SECTM1: variants seen among roughly 807,000 people sequenced by gnomAD.
The protein encoded by SECTM1 is secreted and transmembrane 1, also known as secreted and transmembrane protein 1.
SECTM1 carries 10 observed loss-of-function variants against 18.1 expected under a neutral mutation model. That is an observed-to-expected ratio of 0.55 (90% CI 0.34 to 0.94). The LOEUF (loss-of-function observed/expected upper bound fraction) is 0.94. Among genes scored for constraint, SECTM1 ranks in the 40% least tolerant of loss-of-function variants. The pLI is 0.02. For synonymous variants in SECTM1, 137 were observed against 139.2 expected, an observed-to-expected ratio of 0.98 and a Z score of 0.11; for missense variants, 297 against 322.6, an observed-to-expected ratio of 0.92 and a Z score of 0.61.
At chr17:82,322,489 G>A in intron 4 of SECTM1, 119 bp from the exon 5 acceptor site, 1 of 978,930 alleles carries the variant, frequency 1.0e-6, no homozygotes, top group East Asian at 2.6e-5. Context: ...CCACCCCCAG[G>A]CACACTCCCA....
At position 82,322,912 on chromosome 17, in the gene SECTM1, C is replaced by A. The variant is rs747603059; in HGVS notation, c.503G>T (p.Trp168Leu). 1 of 1,613,892 alleles carries A rather than the reference C, an allele frequency of 6.2e-7. No individual in the cohort carries two copies. The change falls in exon 4 of 5, where the codon TGG becomes TTG. Residue 168 changes from tryptophan to leucine, a missense_variant. Trp to Leu is a moderately conservative substitution (Grantham distance 61). Coordinates refer to ENST00000269389, the MANE Select transcript of SECTM1 (RefSeq NM_003004.3). ...TTGCTGGGAACAGCGGCACCTGTAC[C>A]AGGCGAACATGACCAGAGCGACCAA... Reference protein sequence around the residue: ...ILLVALVMFAWYRCRCSQQRR... With the variant: ...ILLVALVMFALYRCRCSQQRR...
chr17:82,327,041 G>T, intron 2 of SECTM1, 106 bp downstream of exon 2: 1 of 803,786 alleles, frequency 1.2e-6, no homozygotes, highest in Admixed American at 2.4e-5. Context: ...TCATTATCGG[G>T]GGTCTGGTGG....
chr17:82,333,445 C>G (rs973718032), intron 1 of SECTM1, among the ~76,000 whole-genome samples: 3 of 152,200 alleles, frequency 2.0e-5, no homozygotes, highest in Non-Finnish European at 2.9e-5. Flanking sequence ...CCCCGCCCGC[C>G]TGGCCTGCGA....
Position 82,328,956 on chromosome 17 carries a change from G to T in SECTM1, c.-52-1664C>A, listed in dbSNP as rs1336499645. Among the ~76,000 whole-genome samples the T allele has an allele frequency of 6.6e-6, 1 of 152,210 alleles. No homozygotes were observed. The highest frequency in any genetic ancestry group is 2.4e-5 in the African/African-American group (1 of 41,452). On this transcript the variant is annotated intron_variant, in intron 1 of 4. Transcript: ENST00000269389. The surrounding 1 kb of genome is among the most constrained non-coding windows in gnomAD (Gnocchi z 5.8). The stretch of plus-strand genomic sequence containing the variant: ...CAGGGAACTCCCATGAGGGAACTCT[G>T]TAAAGCGACCTTCAGACGTGCTATT...
chr17:82,330,154 C>T lies in SECTM1; in HGVS notation c.-52-2862G>A, dbSNP rs2052180171. Among the ~76,000 whole-genome samples the T allele has an allele frequency of 2.6e-5, 4 of 152,324 alleles. No individual in the cohort carries two copies. In the South Asian group the frequency reaches 8.3e-4, roughly 32 times the overall value. On this transcript the variant is annotated intron_variant, in intron 1 of 4. Transcript: ENST00000269389. This position sits in a 1 kb window ranked among gnomAD's most constrained non-coding sequence, Gnocchi z 6.1. ...GCTCCACGATGCCAGCTCAGCCACCCACCTTGGAACCGTGCAGATGGACAG... is the reference window on the plus strand; with the variant it reads ...GCTCCACGATGCCAGCTCAGCCACCTACCTTGGAACCGTGCAGATGGACAG...
chr17:82,327,631 G>A (rs924265804), intron 1 of SECTM1, among the ~76,000 whole-genome samples: 3 of 152,184 alleles, frequency 2.0e-5, no homozygotes, highest in Non-Finnish European at 4.4e-5. Context: ...GGTCAGGACA[G>A]GTGGAATCGT....
At chr17:82,327,368 C>T (rs921200111) in intron 1 of SECTM1, 76 bp from the exon 2 acceptor site, 11 of 848,234 alleles carry the variant, frequency 1.3e-5, no homozygotes, top group South Asian at 7.9e-5. Flanking sequence ...TGTCACCTGG[C>T]GGGGGCTGGG....
chr17:82,333,604 T>TCAGCACCGAGTCCC (rs1171883449), intron 1 of SECTM1, 96 bp downstream of exon 1: 7 of 114,292 alleles, frequency 6.1e-5, no homozygotes, highest in Admixed American at 3.4e-4. Context: ...CACCGGGCCC[T>TCAGCACCGAGTCCC]CAGCACCGAG....
rs1331729913 is a variant in SECTM1 at position 82,321,801 on chromosome 17, C to T, written c.*360G>A. On this transcript the variant is annotated 3_prime_UTR_variant, in exon 5 of 5. Coordinates refer to ENST00000269389, the MANE Select transcript of SECTM1 (RefSeq NM_003004.3). ...CGGCAGGGGCCCCCTCACTTGGGCG[C>T]GGAGCCCTGGGAGTGGAGAGAGCGG... 1.6e-5 allele frequency: 4 copies of T among 246,476 alleles called. No homozygotes were observed. The highest frequency in any genetic ancestry group is 2.4e-5 in the Non-Finnish European group (3 of 124,098). The allele number at this position is 246,476 out of a possible 1,614,324, so 15.3% of individuals were successfully genotyped here. A position where few individuals can be genotyped will look rare whatever the true frequency, so the allele number is the denominator to read the frequency against.
intron 1 of SECTM1, among the ~76,000 whole-genome samples, chr17:82,331,573 C>T (rs961526531): frequency 1.3e-5 from 2 of 152,240 alleles, no homozygotes; most frequent in African/African-American, 4.8e-5. Flanking sequence ...ATCTCAAACT[C>T]AGATGTTACT....
chr17:82,321,907 G>T lies in SECTM1; in HGVS notation c.*254C>A. 1 of 513,576 alleles carries T rather than the reference G, an allele frequency of 1.9e-6. No individual in the cohort carries two copies. The highest frequency in any genetic ancestry group is 3.7e-5 in the East Asian group (1 of 26,834). The allele number at this position is 513,576 out of a possible 1,614,324, so 31.8% of individuals were successfully genotyped here. A position where few individuals can be genotyped will look rare whatever the true frequency, so the allele number is the denominator to read the frequency against. On this transcript the variant is annotated 3_prime_UTR_variant, in exon 5 of 5. Transcript: ENST00000269389. ...TGGGTTTGATGAGGGCAGAGGGAGG[G>T]GCATGCGTCCTGGTAAGTCGGGTGC... is the stretch of plus-strand genomic sequence containing the variant.
intron 1 of SECTM1, among the ~76,000 whole-genome samples, chr17:82,332,659 G>A (rs1234806039): frequency 4.6e-5 from 7 of 152,196 alleles, no homozygotes; most frequent in African/African-American, 1.7e-4. Flanking sequence ...CGGTGTGGAC[G>A]GCTCTGCCCT....
Position 82,330,979 on chromosome 17 carries a change from G to A in SECTM1, c.-53+2721C>T, listed in dbSNP as rs952858065. ...GTGGCGGCCGCTGCTTCTCACACGC[G>A]GGTCCTCTCACTGCCTCTCCCCGGT... On this transcript the variant is annotated intron_variant, in intron 1 of 4. Transcript: ENST00000269389. This position sits in a 1 kb window ranked among gnomAD's most constrained non-coding sequence, Gnocchi z 6.1. 6.6e-6 allele frequency among the ~76,000 whole-genome samples: 1 copy of A among 152,116 alleles called. No individual in the cohort carries two copies. The highest frequency in any genetic ancestry group is 1.5e-5 in the Non-Finnish European group (1 of 68,010).
chr17:82,331,462 T>A (rs967328108), intron 1 of SECTM1, among the ~76,000 whole-genome samples: 1 of 152,184 alleles, frequency 6.6e-6, no homozygotes, highest in Non-Finnish European at 1.5e-5. Context: ...ACCAGGCACA[T>A]CTGGTCACAT....
rs185086218 is a variant in SECTM1, at chr17:82,330,504, A to G, written c.-53+3196T>C. ...TCCTGAGTCAGCCCTGACTCGGCAG[A>G]GAGCTGCACCCTGAGCCAGACCTCA... On this transcript the variant is annotated intron_variant, in intron 1 of 4. Coordinates refer to ENST00000269389, the MANE Select transcript of SECTM1 (RefSeq NM_003004.3). This position sits in a 1 kb window ranked among gnomAD's most constrained non-coding sequence, Gnocchi z 6.1. Among the ~76,000 whole-genome samples the G allele has an allele frequency of 3.2e-3, 484 of 152,202 alleles. 10 individuals carry two copies. Among genetic ancestry groups the G allele is most frequent in the Non-Finnish European group, 4.1e-3 (280 of 67,978 alleles).
chr17:82,324,734 C>A lies in SECTM1; in HGVS notation c.251G>T (p.Gly84Val). 2.5e-6 allele frequency: 4 copies of A among 1,614,168 alleles called. No homozygotes were observed. Among genetic ancestry groups the A allele is most frequent in the African/African-American group, 1.3e-5 (1 of 75,034 alleles). ...ESAIFNEVAP[G>V]YFSRDGWQLQ... Reference sequence around the variant, plus strand: ...CTGCCAGCCGTCCCGGGAGAAGTAGCCTGGAGCCACCTCATTGAAGATGGC... The same window carrying A: ...CTGCCAGCCGTCCCGGGAGAAGTAGACTGGAGCCACCTCATTGAAGATGGC... Residue 84 changes from glycine to valine, a missense_variant, in exon 3 of 5, where the codon GGC (glycine) becomes GTC (valine). Coordinates refer to ENST00000269389, the MANE Select transcript of SECTM1 (RefSeq NM_003004.3).
At chr17:82,331,191 A>G (rs2052188653) in intron 1 of SECTM1, among the ~76,000 whole-genome samples, 1 of 152,064 alleles carries the variant, frequency 6.6e-6, no homozygotes, top group East Asian at 1.9e-4. Context: ...GGAATGAGTC[A>G]GCCGTGGAGG....
chr17:82,327,523 C>T (rs1439763691), intron 1 of SECTM1, among the ~76,000 whole-genome samples: 2 of 152,190 alleles, frequency 1.3e-5, no homozygotes, highest in African/African-American at 4.8e-5. Context: ...CAGAGTTGCC[C>T]GCAGCACAGC....
Position 82,323,027 on chromosome 17 carries a change from C to A in SECTM1, c.404-16G>T, listed in dbSNP as rs1327168901. 2 of 1,603,368 alleles carry A rather than the reference C, an allele frequency of 1.2e-6. No homozygotes were observed. The highest frequency in any genetic ancestry group is 2.7e-5 in the African/African-American group (2 of 74,774). ...GGTTCTGCACCTGAAGGAGGCAGTT[C>A]AGGGGTGTACAGGTGGGCTGGGCAT... On this transcript the variant is annotated splice_polypyrimidine_tract_variant and intron_variant, in intron 3 of 4. Transcript: ENST00000269389.
Sources: gnomAD v4.1 joint callset for allele counts (sites outside exome capture counted in the v4.1 genomes callset) on GRCh38, gnomAD v4.1.1 for gene constraint, Gnocchi (gnomAD v3.1) non-coding constraint, MANE v1.5 for transcripts, NCBI Gene and HGNC (gene_info 2026-07-23, HGNC 2026-07-21) for gene names.